Variants in THSD4 observed in about 807,000 individuals in gnomAD.
The protein encoded by THSD4 is thrombospondin type 1 domain containing 4.
Under a neutral mutation model 119.0 loss-of-function variants are expected in THSD4, and 69 were observed. That is an observed-to-expected ratio of 0.58 (90% CI 0.48 to 0.71). The LOEUF (loss-of-function observed/expected upper bound fraction) is 0.71. Among genes scored for constraint, THSD4 ranks in the 30% least tolerant of loss-of-function variants. The pLI is 0.00. For synonymous variants in THSD4, 524 were observed against 540.4 expected (o/e 0.97, Z 0.42); for missense variants, 1,393 against 1,391.1 (o/e 1.00, Z -0.02).
At chr15:71,741,266 G>T (rs2053228653) in intron 11 of THSD4, among the ~76,000 whole-genome samples, 1 of 152,108 alleles carries the variant, frequency 6.6e-6, no homozygotes, top group Admixed American at 6.5e-5. Context: ...CAAGGCAGGT[G>T]TATCACTTGA....
intron 7 of THSD4, among the ~76,000 whole-genome samples, chr15:71,600,933 TAGG>T (rs957588094): frequency 3.9e-5 from 6 of 152,016 alleles, no homozygotes; most frequent in African/African-American, 1.4e-4. Flanking sequence ...TTTTAGTAGA[TAGG>T]AGATTTCACC....
chr15:71,595,784 A>G (rs765486041), intron 7 of THSD4, among the ~76,000 whole-genome samples: 1 of 152,190 alleles, frequency 6.6e-6, no homozygotes, highest in African/African-American at 2.4e-5. Context: ...AACGCCCTCC[A>G]TTTAAAGACG....
intron 7 of THSD4, among the ~76,000 whole-genome samples, chr15:71,629,279 G>A (rs1316581): frequency 0.042 from 6,466 of 152,242 alleles, 225 homozygotes; most frequent in Non-Finnish European, 0.062. Flanking sequence ...CAGCCTTCAG[G>A]TCTCCCAGCC....
At chr15:71,391,104 C>G (rs770990940) in intron 6 of THSD4, among the ~76,000 whole-genome samples, 6 of 150,920 alleles carry the variant, frequency 4.0e-5, no homozygotes, top group Non-Finnish European at 8.8e-5. Flanking sequence ...TCTCGGCTCA[C>G]TGCAAGCTCC....
intron 7 of THSD4, among the ~76,000 whole-genome samples, chr15:71,653,141 C>T (rs1294750838): frequency 2.0e-5 from 3 of 152,210 alleles, no homozygotes; most frequent in Admixed American, 6.5e-5. Flanking sequence ...CCTACCAAGT[C>T]GCAGGTACTG....
intron 3 of THSD4, among the ~76,000 whole-genome samples, chr15:71,155,301 A>T (rs1171649272): frequency 1.3e-5 from 2 of 152,130 alleles, no homozygotes; most frequent in African/African-American, 4.8e-5. Context: ...GGTGCCATAC[A>T]CTTTTAAACA....
intron 7 of THSD4, among the ~76,000 whole-genome samples, chr15:71,488,929 C>G (rs1035252572): frequency 6.6e-6 from 1 of 152,176 alleles, no homozygotes; most frequent in Admixed American, 6.5e-5. Context: ...TTATGCTTCT[C>G]TTCAGTTTAT....
At chr15:71,727,769 CAA>C (rs11446418) in intron 8 of THSD4, among the ~76,000 whole-genome samples, 2 of 126,332 alleles carry the variant, frequency 1.6e-5, no homozygotes, top group African/African-American at 3.0e-5. Context: ...GACCCTGTCT[CAA>C]AAAAAAAAGG....
At chr15:71,684,146 AAAG>A (rs1255853334) in intron 8 of THSD4, among the ~76,000 whole-genome samples, 23 of 152,194 alleles carry the variant, frequency 1.5e-4, no homozygotes, top group Non-Finnish European at 2.2e-4. Context: ...TGATGATGAC[AAAG>A]AATGGAATCT....
chr15:71,346,550 T>C (rs927598202), intron 6 of THSD4, among the ~76,000 whole-genome samples: 1 of 152,224 alleles, frequency 6.6e-6, no homozygotes, highest in South Asian at 2.1e-4. Flanking sequence ...CTTCTTCACT[T>C]TCAGGTATGA....
intron 7 of THSD4, among the ~76,000 whole-genome samples, chr15:71,522,351 G>C (rs2048454408): frequency 6.6e-6 from 1 of 152,122 alleles, no homozygotes; most frequent in Non-Finnish European, 1.5e-5. Flanking sequence ...GAGGTGACAT[G>C]GTAGAAGCAA....
intron 7 of THSD4, among the ~76,000 whole-genome samples, chr15:71,557,530 GGATTTTCTAT>G (rs1296466708): frequency 6.6e-6 from 1 of 151,928 alleles, no homozygotes; most frequent in Non-Finnish European, 1.5e-5. Context: ...AATGTCTGGA[GGATTTTCTAT>G]AATATAAAAT....
chr15:71,339,185 T>G (rs2045529356), intron 6 of THSD4, among the ~76,000 whole-genome samples: 2 of 152,216 alleles, frequency 1.3e-5, no homozygotes, highest in South Asian at 4.1e-4. Flanking sequence ...TTTAGCATTC[T>G]TAGTATGTTT....
chr15:71,392,496 G>A (rs2046391023), intron 6 of THSD4, among the ~76,000 whole-genome samples: 1 of 152,218 alleles, frequency 6.6e-6, no homozygotes, highest in Non-Finnish European at 1.5e-5. Flanking sequence ...ACTATGCAGA[G>A]ATCATCCTCT....
intron 7 of THSD4, among the ~76,000 whole-genome samples, chr15:71,524,169 A>C (rs1313333012): frequency 6.6e-6 from 1 of 152,214 alleles, no homozygotes; most frequent in Non-Finnish European, 1.5e-5. Context: ...GATGGAATGA[A>C]GAAAACTGGA....
intron 7 of THSD4, 168 bp from the exon 8 acceptor site, chr15:71,660,360 CTG>C: frequency 1.4e-6 from 1 of 707,900 alleles, no homozygotes; most frequent in Non-Finnish European, 2.4e-6. Context: ...CAAACAAACT[CTG>C]TTTTATTTAC....
intron 7 of THSD4, among the ~76,000 whole-genome samples, chr15:71,479,190 T>C (rs1223527987): frequency 1.4e-5 from 2 of 146,944 alleles, no homozygotes; most frequent in Non-Finnish European, 3.0e-5. Flanking sequence ...CTTTTTTTTT[T>C]TTTTTTTTTT....
At chr15:71,605,980 A>G (rs1429224270) in intron 7 of THSD4, among the ~76,000 whole-genome samples, 1 of 152,190 alleles carries the variant, frequency 6.6e-6, no homozygotes, top group Non-Finnish European at 1.5e-5. Flanking sequence ...AGGCTACTTG[A>G]AGAAAGTATT....
At chr15:71,729,563 C>T (rs565507122) in intron 9 of THSD4, 51 of 152,158 alleles carry the variant, frequency 3.4e-4, no homozygotes, top group African/African-American at 8.9e-4. Flanking sequence ...ATGTCCTTTC[C>T]TCTTGGGCCT....
Sources: gnomAD v4.1 joint callset for allele counts (sites outside exome capture counted in the v4.1 genomes callset) on GRCh38, gnomAD v4.1.1 for gene constraint, MANE v1.5 for transcripts, NCBI Gene and HGNC (gene_info 2026-07-23, HGNC 2026-07-21) for gene names.